The following GAB4 variants were observed in gnomAD, a reference collection of about 807,000 sequenced individuals.
GAB4 encodes the protein GRB2-associated-binding protein 4.
A neutral mutation model predicts 51.3 loss-of-function variants in GAB4; 26 were observed. The ratio of observed to expected loss-of-function variants is 0.51; its 90% CI spans 0.37 to 0.70. GAB4 has a LOEUF of 0.70. Ranked by LOEUF, GAB4 falls within the 30% of genes least tolerant of loss-of-function variation. The pLI is 0.00. For synonymous variants in GAB4, 329 were observed against 291.2 expected (o/e 1.13, Z -1.32); for missense variants, 759 against 734.6 (o/e 1.03, Z -0.38).
chr22:16,994,827 A>C (rs538931432), intron 1 of GAB4, among the ~76,000 whole-genome samples: 23 of 152,324 alleles, frequency 1.5e-4, no homozygotes, highest in Non-Finnish European at 2.2e-4. Flanking sequence ...ACACTGCATA[A>C]AAGTCATACG....
At position 16,966,192 on chromosome 22, in the gene GAB4, G is replaced by C. The variant is rs754429043; in HGVS notation, c.1196C>G (p.Pro399Arg). ...CLVRFDLLGS[P>R]LTELSMHQDL... ...TTGGTGCATAGAAAGCTCTGTGAGT[G>C]GGGAGCCAAGCAGGTCAAAGCGAAC... Residue 399 changes from proline (P) to arginine (R), a missense_variant, in exon 6 of 10, where the codon CCA becomes CGA. Pro to Arg is a moderately radical substitution (Grantham distance 103). This residue lies in a region of GAB4 where 588 missense variants were observed against 510.2 expected (regional missense o/e 1.15). Coordinates refer to ENST00000400588, the MANE Select transcript of GAB4 (RefSeq NM_001037814.1). 7.4e-6 allele frequency: 12 copies of C among 1,613,928 alleles called. No individual in the cohort carries two copies. The highest frequency in any genetic ancestry group is 4.0e-5 in the African/African-American group (3 of 74,918).
intron 3 of GAB4, among the ~76,000 whole-genome samples, chr22:16,976,466 G>A (rs370684545): frequency 2.6e-5 from 4 of 152,314 alleles, no homozygotes; most frequent in African/African-American, 9.6e-5. Flanking sequence ...GACGAGATTA[G>A]AGAAAAAAGA....
chr22:16,986,253 C>T (rs57790822), intron 3 of GAB4, among the ~76,000 whole-genome samples: 2,112 of 152,254 alleles, frequency 0.014, 48 homozygotes, highest in African/African-American at 0.049. Flanking sequence ...TAGGACCCAC[C>T]CTAGGTTCGC....
Position 16,962,600 on chromosome 22 carries a change from G to A in GAB4, c.*133C>T, listed in dbSNP as rs745947923. Reference sequence around the variant, plus strand: ...AAAGGCACAGGTGGGCCCCAAGCAGGCAAAGGATGTATATTGATCAGGCCT... The same window carrying A: ...AAAGGCACAGGTGGGCCCCAAGCAGACAAAGGATGTATATTGATCAGGCCT... On this transcript the variant is annotated 3_prime_UTR_variant, in exon 10 of 10. Coordinates refer to ENST00000400588, the MANE Select transcript of GAB4 (RefSeq NM_001037814.1). 2 of 754,652 alleles carry A rather than the reference G, an allele frequency of 2.7e-6. No individual in the cohort carries two copies. Among genetic ancestry groups the A allele is most frequent in the African/African-American group, 1.8e-5 (1 of 56,030 alleles). The allele number at this position is 754,652 out of a possible 1,614,324, so 46.7% of individuals were successfully genotyped here.
chr22:16,988,420 C>T (rs9606559), intron 2 of GAB4, among the ~76,000 whole-genome samples: 51,618 of 152,064 alleles, frequency 0.34, 9,244 homozygotes, highest in South Asian at 0.46. Flanking sequence ...CACTCCCAGA[C>T]GGCGTGGTTC....
At chr22:17,000,789 T>C (rs1188139130) in intron 1 of GAB4, among the ~76,000 whole-genome samples, 1 of 152,242 alleles carries the variant, frequency 6.6e-6, no homozygotes. Context: ...GGTTGTCCTT[T>C]CCATGTTTAG....
intron 3 of GAB4, among the ~76,000 whole-genome samples, chr22:16,984,931 T>C (rs1225445330): frequency 1.3e-5 from 2 of 152,220 alleles, no homozygotes. Context: ...CTGTGCTGCT[T>C]TGTGTGGGTG....
At chr22:16,997,192 A>C (rs1601286759) in intron 1 of GAB4, among the ~76,000 whole-genome samples, 1 of 152,132 alleles carries the variant, frequency 6.6e-6, no homozygotes, top group East Asian at 1.9e-4. Flanking sequence ...TGGTATTTCT[A>C]GTTCTAGATC....
intron 6 of GAB4, 106 bp downstream of exon 6, chr22:16,965,994 A>G: frequency 2.9e-6 from 3 of 1,034,932 alleles, no homozygotes; most frequent in Non-Finnish European, 4.4e-6. Context: ...CAGAGAATTC[A>G]CATGACTTGC....
rs1209727783 is a variant in GAB4, at chr22:16,966,481, A to T, written c.1024-117T>A. On this transcript the variant is annotated intron_variant, in intron 5 of 9. Transcript: ENST00000400588. ...CGGGGTGTTTTGAACGAAACTTTTG[A>T]TCACCTTGGCTGGGGGCTGCTGTCT... 5 of 1,046,280 alleles carry T rather than the reference A, an allele frequency of 4.8e-6. No homozygotes were observed. The African/African-American group carries it at 6.4e-5, about 13-fold the overall frequency. 64.8% of individuals were successfully genotyped at this position (1,046,280 alleles called of 1,614,324 possible). A position where few individuals can be genotyped will look rare whatever the true frequency, so the allele number is the denominator to read the frequency against.
chr22:16,985,965 T>C (rs572874819), intron 3 of GAB4, among the ~76,000 whole-genome samples: 12 of 152,276 alleles, frequency 7.9e-5, no homozygotes, highest in African/African-American at 2.6e-4. Flanking sequence ...CAGCCCCAAA[T>C]GCTGGGAGAG....
At chr22:17,002,602 T>C (rs750105571) in intron 1 of GAB4, among the ~76,000 whole-genome samples, 4 of 151,752 alleles carry the variant, frequency 2.6e-5, no homozygotes, top group Non-Finnish European at 5.9e-5. Context: ...AACCTTATGT[T>C]CTCACTCATA....
intron 3 of GAB4, among the ~76,000 whole-genome samples, chr22:16,982,890 G>A (rs11703020): frequency 0.022 from 3,363 of 152,254 alleles, 59 homozygotes; most frequent in Middle Eastern, 0.068. Context: ...CTGTGCCAAA[G>A]GGTGGAAGGC....
At chr22:16,997,288 C>T (rs1258443072) in intron 1 of GAB4, among the ~76,000 whole-genome samples, 1 of 152,228 alleles carries the variant, frequency 6.6e-6, no homozygotes, top group Non-Finnish European at 1.5e-5. Flanking sequence ...TATTTCTCCA[C>T]ATCCTCTCCA....
chr22:16,966,351 A>G lies in GAB4; in HGVS notation c.1037T>C (p.Leu346Pro), dbSNP rs140315534. The G allele has an allele frequency of 1.9e-4, 311 of 1,611,878 alleles. No individual in the cohort carries two copies. Among genetic ancestry groups the G allele is most frequent in the Non-Finnish European group, 2.5e-4 (296 of 1,178,658 alleles). Residue 346 changes from leucine (L) to proline (P), a missense_variant, in exon 6 of 10, where the codon CTT (leucine) becomes CCT (proline). By Grantham distance (98) the Leu-to-Pro change is moderately conservative. Around this residue, in one of 3 missense-constraint regions of GAB4, gnomAD observed 588 missense variants for 510.2 expected, o/e 1.15. Coordinates refer to ENST00000400588, the MANE Select transcript of GAB4 (RefSeq NM_001037814.1). ...GVCSFLPGRT[L>P]VGLSDSIASE... ...AGCAATGCTGTCTGACAGGCCCACA[A>G]GCGTTCTTCCTGGCTAGGAAGAGGA... is the stretch of plus-strand genomic sequence containing the variant.
intron 3 of GAB4, among the ~76,000 whole-genome samples, chr22:16,983,391 C>G (rs1257309303): frequency 2.6e-5 from 4 of 152,128 alleles, no homozygotes; most frequent in African/African-American, 4.8e-5. Flanking sequence ...CTAAAGAAAT[C>G]TGCAGAGTCA....
At chr22:16,973,070 C>G (rs767373593) in intron 3 of GAB4, among the ~76,000 whole-genome samples, 1 of 152,174 alleles carries the variant, frequency 6.6e-6, no homozygotes, top group Non-Finnish European at 1.5e-5. Context: ...TGGCAAGCTC[C>G]TACTCCACTT....
At position 17,008,013 on chromosome 22, in the gene GAB4, G is replaced by C. The variant is rs2061057362; in HGVS notation, c.102C>G (p.Ser34Arg). The C allele has an allele frequency of 1.2e-6, 2 of 1,611,908 alleles. No homozygotes were observed. Among genetic ancestry groups the C allele is most frequent in the Admixed American group, 3.3e-5 (2 of 59,768 alleles). The change falls in exon 1 of 10, where the codon AGC becomes AGG. Residue 34 changes from serine to arginine, a missense_variant. Ser to Arg is a moderately radical substitution (Grantham distance 110). Around this residue, in one of 3 missense-constraint regions of GAB4, gnomAD observed 83 missense variants for 73.1 expected, o/e 1.14. Coordinates refer to ENST00000400588, the MANE Select transcript of GAB4 (RefSeq NM_001037814.1). Reference protein sequence around the residue: ...SWPGSGPAGGSTRSGHVLYSG... With the variant: ...SWPGSGPAGGRTRSGHVLYSG... ...TGTACAGCACGTGGCCACTTCTCGT[G>C]CTTCCGCCGGCGGGGCCACTTCCGG...
chr22:16,976,730 A>C (rs2060781939), intron 3 of GAB4, among the ~76,000 whole-genome samples: 1 of 152,182 alleles, frequency 6.6e-6, no homozygotes, highest in Admixed American at 6.5e-5. Flanking sequence ...AGATTCAGCA[A>C]GGGTGAAATG....
Sources: allele counts gnomAD v4.1 joint callset (sites outside exome capture counted in the v4.1 genomes callset), GRCh38; gene constraint gnomAD v4.1.1; regional missense constraint gnomAD v4.1.1; transcripts MANE v1.5; gene names NCBI Gene and HGNC (gene_info 2026-07-23, HGNC 2026-07-21).